The following BCKDHB variants were observed in gnomAD, a reference collection of about 807,000 sequenced individuals.
BCKDHB encodes branched chain keto acid dehydrogenase E1 subunit beta.
A neutral mutation model predicts 48.5 loss-of-function variants in BCKDHB; 41 were observed. That is an observed-to-expected ratio of 0.85 (90% CI 0.66 to 1.10). BCKDHB has a LOEUF of 1.10. BCKDHB is among the 50% of genes least tolerant of loss of function. The pLI is 0.00. For missense variants in BCKDHB, 496 were observed against 494.2 expected, an observed-to-expected ratio of 1.00 and a Z score of -0.03; for synonymous variants, 201 against 174.8, an observed-to-expected ratio of 1.15 and a Z score of -1.18.
At chr6:80,165,910 A>C in intron 3 of BCKDHB, among the ~76,000 whole-genome samples, 1 of 152,182 alleles carries the variant, frequency 6.6e-6, no homozygotes, top group Non-Finnish European at 1.5e-5. Context: ...GGGCTCCTCC[A>C]TGCTGTGCCC....
chr6:80,379,528 G>T, the BCKDHB span, among the ~76,000 whole-genome samples: 2 of 151,816 alleles, frequency 1.3e-5, no homozygotes, highest in African/African-American at 2.4e-5. Flanking sequence ...TTCACTTCAG[G>T]TCTAGAACAA....
intron 9 of BCKDHB, among the ~76,000 whole-genome samples, chr6:80,281,769 C>A (rs549647678): frequency 8.2e-4 from 125 of 152,186 alleles, no homozygotes; most frequent in Non-Finnish European, 1.4e-3. Flanking sequence ...CATTCTCTCC[C>A]TTCCCCTCCA....
At chr6:80,317,287 C>T (rs1768496061) in intron 9 of BCKDHB, among the ~76,000 whole-genome samples, 1 of 152,230 alleles carries the variant, frequency 6.6e-6, no homozygotes, top group South Asian at 2.1e-4. Flanking sequence ...GATTTAATGT[C>T]TTACAGTTCT....
At chr6:80,304,911 G>C (rs758631629) in intron 9 of BCKDHB, among the ~76,000 whole-genome samples, 3 of 152,022 alleles carry the variant, frequency 2.0e-5, no homozygotes, top group Admixed American at 6.6e-5. Context: ...ACCTGATAAA[G>C]GTTATCTACC....
chr6:80,430,982 C>G, the BCKDHB span, among the ~76,000 whole-genome samples: 1 of 152,170 alleles, frequency 6.6e-6, no homozygotes, highest in African/African-American at 2.4e-5. Flanking sequence ...CCTATACACT[C>G]TGCTTTAAAT....
chr6:80,353,140 T>A, the BCKDHB span, among the ~76,000 whole-genome samples: 1 of 152,186 alleles, frequency 6.6e-6, no homozygotes, highest in Non-Finnish European at 1.5e-5. Context: ...CACCTACTTA[T>A]GAGTGAGAGC....
chr6:80,406,013 C>T, the BCKDHB span, among the ~76,000 whole-genome samples: 1 of 151,876 alleles, frequency 6.6e-6, no homozygotes, highest in East Asian at 1.9e-4. Context: ...GTGTGATGTT[C>T]CCTGCCTAGT....
rs148902222 is a variant in BCKDHB at position 80,273,215 on chromosome 6, A to G, written c.1032A>G (p.Thr344=). 5 of 1,613,048 alleles carry G rather than the reference A, an allele frequency of 3.1e-6. No homozygotes were observed. In the Admixed American group the frequency reaches 6.7e-5, roughly 22 times the overall value. The change falls in exon 9 of 10, where the codon ACA becomes ACG. Residue 344 remains threonine (T), a synonymous_variant. Coordinates refer to ENST00000320393, the MANE Select transcript of BCKDHB (RefSeq NM_183050.4). ...GCTTTGCATCGGAAATCAGCTCTAC[A>G]GTTCAGGTAGAGTAATTTTTGGAAC... ...TGGFASEISS[T]VQEECFLNLE...
chr6:80,202,722 C>T (rs1439474572), intron 7 of BCKDHB, among the ~76,000 whole-genome samples: 1 of 145,076 alleles, frequency 6.9e-6, no homozygotes, highest in East Asian at 2.1e-4. Context: ...CTCCCTCCCT[C>T]CCTCTCTTTC....
chr6:80,430,545 G>C, the BCKDHB span, among the ~76,000 whole-genome samples: 1 of 151,740 alleles, frequency 6.6e-6, no homozygotes, highest in Non-Finnish European at 1.5e-5. Flanking sequence ...TTCAGGACTT[G>C]TTATTGGTCT....
At chr6:80,356,076 G>T in the BCKDHB span, 3 of 152,156 alleles carry the variant, frequency 2.0e-5, no homozygotes, top group Admixed American at 6.6e-5. Flanking sequence ...TTAACTGACC[G>T]ATTGTTGTAC....
At chr6:80,277,924 T>C (rs1004072113) in intron 9 of BCKDHB, among the ~76,000 whole-genome samples, 1 of 152,152 alleles carries the variant, frequency 6.6e-6, no homozygotes, top group African/African-American at 2.4e-5. Context: ...GAATTTTTGC[T>C]TTTTTCAGTG....
intron 8 of BCKDHB, among the ~76,000 whole-genome samples, chr6:80,237,927 G>A (rs186954673): frequency 4.7e-4 from 71 of 152,292 alleles, no homozygotes; most frequent in Admixed American, 5.2e-4. Context: ...AAAGGAAAGA[G>A]AGCAAGGATG....
chr6:80,204,499 G>A (rs549877676), intron 8 of BCKDHB, among the ~76,000 whole-genome samples: 3 of 152,044 alleles, frequency 2.0e-5, no homozygotes, highest in Non-Finnish European at 4.4e-5. Flanking sequence ...AGTTAAACTA[G>A]AGTTGTCTTC....
the BCKDHB span, among the ~76,000 whole-genome samples, chr6:80,377,736 T>C: frequency 6.6e-6 from 1 of 152,344 alleles, no homozygotes; most frequent in South Asian, 2.1e-4. Flanking sequence ...GTTGTTGTTT[T>C]GCAGTAAATT....
intron 9 of BCKDHB, among the ~76,000 whole-genome samples, chr6:80,290,952 G>C (rs1766877973): frequency 6.6e-6 from 1 of 152,320 alleles, no homozygotes; most frequent in African/African-American, 2.4e-5. Context: ...TGAGAGTGTA[G>C]CAGTCAGGAT....
At chr6:80,408,685 G>A in the BCKDHB span, among the ~76,000 whole-genome samples, 1 of 151,936 alleles carries the variant, frequency 6.6e-6, no homozygotes, top group South Asian at 2.1e-4. Context: ...TTGTGTTTCT[G>A]TGGGATTGGT....
the BCKDHB span, among the ~76,000 whole-genome samples, chr6:80,405,380 T>C: frequency 6.6e-6 from 1 of 152,172 alleles, no homozygotes; most frequent in Non-Finnish European, 1.5e-5. Flanking sequence ...TCTATTTGAT[T>C]TACTATCTTT....
intron 9 of BCKDHB, among the ~76,000 whole-genome samples, chr6:80,315,732 C>T (rs766295566): frequency 2.6e-5 from 4 of 152,066 alleles, no homozygotes; most frequent in Non-Finnish European, 5.9e-5. Context: ...AATCCTTCCA[C>T]GTCGGCCTGC....
Sources: gnomAD v4.1 joint callset for allele counts (sites outside exome capture counted in the v4.1 genomes callset) on GRCh38, gnomAD v4.1.1 for gene constraint, MANE v1.5 for transcripts, NCBI Gene and HGNC (gene_info 2026-07-23, HGNC 2026-07-21) for gene names.